POLE2: variants seen among roughly 807,000 people sequenced by gnomAD.
POLE2 encodes DNA polymerase epsilon subunit 2.
In POLE2, 56 loss-of-function variants were observed where a neutral mutation model predicts 79.4. The observed-to-expected ratio is 0.71, with a 90% CI of 0.57 to 0.88. POLE2 has a LOEUF of 0.88. POLE2 is among the 40% of genes least tolerant of loss of function. The probability of loss-of-function intolerance (pLI) is 0.00; values close to 1 mark genes in which losing one functional copy is unlikely to be tolerated. For missense variants in POLE2, 598 were observed against 638.9 expected (o/e 0.94, Z 0.69); for synonymous variants, 212 against 214.0 (o/e 0.99, Z 0.08).
intron 11 of POLE2, among the ~76,000 whole-genome samples, chr14:49,655,458 A>AACACACACACACACACACAC (rs35575577): frequency 5.6e-5 from 8 of 143,492 alleles, no homozygotes; most frequent in African/African-American, 1.8e-4. Flanking sequence ...CATGACTATA[A>AACACACACACACACACACAC]ACACACACAC....
chr14:49,662,822 C>T (rs1278810190), intron 10 of POLE2, among the ~76,000 whole-genome samples: 1 of 152,226 alleles, frequency 6.6e-6, no homozygotes, highest in Non-Finnish European at 1.5e-5. Context: ...TTTATACTAT[C>T]ATTCAGGTTC....
intron 5 of POLE2, 24 bp from the exon 6 acceptor site, chr14:49,669,622 G>C (rs959351917): frequency 1.6e-6 from 2 of 1,222,490 alleles, no homozygotes; most frequent in African/African-American, 3.0e-5. Flanking sequence ...AGATTCACAT[G>C]AATTCCTGAA....
rs55897522 is a variant in POLE2 at position 49,654,688 on chromosome 14, C to T, written c.1073+96G>A. 390 of 1,341,562 alleles carry T rather than the reference C, an allele frequency of 2.9e-4. 6 individuals carry two copies. The East Asian group carries it at 0.01, about 36-fold the overall frequency. The allele number at this position is 1,341,562 out of a possible 1,614,324, so 83.1% of individuals were successfully genotyped here. A position where few individuals can be genotyped will look rare whatever the true frequency, so the allele number is the denominator to read the frequency against. On this transcript the variant is annotated intron_variant, in intron 13 of 18. Coordinates refer to ENST00000216367, the MANE Select transcript of POLE2 (RefSeq NM_002692.4). ...AATTTTCTCAACTTTATCTTTCTTC[C>T]TTAGTTTTGTAATAATTGCTGATAT...
chr14:49,672,758 C>T (rs1470172748), intron 5 of POLE2, among the ~76,000 whole-genome samples: 1 of 152,178 alleles, frequency 6.6e-6, no homozygotes, highest in African/African-American at 2.4e-5. Flanking sequence ...CTCGGCCTCC[C>T]AAAGTGCTGG....
chr14:49,674,161 C>T lies in POLE2; in HGVS notation c.379G>A (p.Ala127Thr). The change falls in exon 5 of 19, where the codon GCA becomes ACA. Residue 127 changes from alanine (A) to threonine (T), a missense_variant. Coordinates refer to ENST00000216367, the MANE Select transcript of POLE2 (RefSeq NM_002692.4). ...PNLFGTPRDKAEMFRERYTIL... is the reference protein window; with the variant it reads ...PNLFGTPRDKTEMFRERYTIL... ...GTATATCGCTCACGAAACATCTCTGCTTTATCTCTTGGTGTTCCAAATAAA... is the reference window on the plus strand; with the variant it reads ...GTATATCGCTCACGAAACATCTCTGTTTTATCTCTTGGTGTTCCAAATAAA... 2.5e-6 allele frequency: 4 copies of T among 1,613,694 alleles called. No individual in the cohort carries two copies. Among genetic ancestry groups the T allele is most frequent in the Non-Finnish European group, 3.4e-6 (4 of 1,179,656 alleles).
At chr14:49,674,259 A>G (rs137944949) in intron 4 of POLE2, 43 bp from the exon 5 acceptor site, 4 of 1,488,024 alleles carry the variant, frequency 2.7e-6, no homozygotes, top group African/African-American at 1.4e-5. Flanking sequence ...ATAATACACA[A>G]AGGTGAGCCA....
chr14:49,655,008 T>C lies in POLE2; in HGVS notation c.1015A>G (p.Lys339Glu). 1.3e-6 allele frequency: 2 copies of C among 1,556,914 alleles called. No individual in the cohort carries two copies. Among genetic ancestry groups the C allele is most frequent in the Non-Finnish European group, 1.7e-6 (2 of 1,146,334 alleles). Residue 339 changes from lysine (K) to glutamate (E), a missense_variant, in exon 12 of 19, where the codon AAA (lysine) becomes GAA (glutamate). Coordinates refer to ENST00000216367, the MANE Select transcript of POLE2 (RefSeq NM_002692.4). ...TTATTAAATAGATCGTTAATACCTT[T>C]CAAAGCTTGAACTTGATTTTTTCCA... ...PYGKNQVQALKDSLKTLADII... is the reference protein window; with the variant it reads ...PYGKNQVQALEDSLKTLADII...
intron 1 of POLE2, among the ~76,000 whole-genome samples, chr14:49,685,800 T>TG (rs1887091453): frequency 6.6e-6 from 1 of 151,746 alleles, no homozygotes; most frequent in Non-Finnish European, 1.5e-5. Flanking sequence ...TTTTTTTTTT[T>TG]GTATTTTTAG....
Position 49,643,818 on chromosome 14 carries a change from C to CT in POLE2, c.1566-149dup, listed in dbSNP as rs1179702039. ...ACTGTTTCAAATTCAAAAGGAGACT[C>CT]TAAAAAATAAGTCATTCTCATGCCC... On this transcript the variant is annotated intron_variant, in intron 18 of 18. Coordinates refer to ENST00000216367, the MANE Select transcript of POLE2 (RefSeq NM_002692.4). The CT allele has an allele frequency of 4.7e-5, 15 of 317,426 alleles. No homozygotes were observed. The South Asian group carries it at 9.1e-4, about 19-fold the overall frequency. 19.7% of individuals were successfully genotyped at this position (317,426 alleles called of 1,614,324 possible). A position where few individuals can be genotyped will look rare whatever the true frequency, so the allele number is the denominator to read the frequency against.
intron 3 of POLE2, chr14:49,677,825 G>A: frequency 2.0e-6 from 1 of 507,442 alleles, no homozygotes. Context: ...CCCTCACAAT[G>A]CTTGCCTCCT....
At chr14:49,663,428 A>G (rs764371305) in intron 9 of POLE2, 41 bp from the exon 10 acceptor site, 2 of 1,409,202 alleles carry the variant, frequency 1.4e-6, no homozygotes, top group Non-Finnish European at 1.0e-6. Flanking sequence ...CTAATCCTCT[A>G]TGTTTGAAAG....
intron 10 of POLE2, 67 bp downstream of exon 10, chr14:49,663,248 C>T: frequency 1.4e-6 from 1 of 699,542 alleles, no homozygotes; most frequent in Non-Finnish European, 2.3e-6. Flanking sequence ...ATATGACGTA[C>T]TATCTTACAT....
At chr14:49,651,517 T>C (rs1033774025) in intron 15 of POLE2, 140 bp from the exon 16 acceptor site, 6 of 498,512 alleles carry the variant, frequency 1.2e-5, no homozygotes, top group Admixed American at 7.2e-5. Flanking sequence ...TGTCTATTCA[T>C]CTATTCATTT....
At chr14:49,644,064 G>C (rs891055097) in intron 18 of POLE2, among the ~76,000 whole-genome samples, 1 of 150,266 alleles carries the variant, frequency 6.7e-6, no homozygotes. Flanking sequence ...ATTTTTAGTA[G>C]AGACGAGGTT....
Position 49,647,220 on chromosome 14 carries a change from A to G in POLE2, c.1565+73T>C. 7.5e-6 allele frequency: 6 copies of G among 803,394 alleles called. No individual in the cohort carries two copies. The South Asian group carries it at 9.8e-5, about 13-fold the overall frequency. The allele number at this position is 803,394 out of a possible 1,614,324, so 49.8% of individuals were successfully genotyped here. ...CATTTTCAAAAATCCCAACACACTG[A>G]TAGAACATCTCATTTTCAGTAATTT... is the stretch of plus-strand genomic sequence containing the variant. On this transcript the variant is annotated intron_variant, in intron 18 of 18. Coordinates refer to ENST00000216367, the MANE Select transcript of POLE2 (RefSeq NM_002692.4).
chr14:49,664,696 TA>T (rs1396070643), intron 8 of POLE2, 22 bp from the exon 9 acceptor site: 2 of 1,488,450 alleles, frequency 1.3e-6, no homozygotes, highest in Admixed American at 3.4e-5. Flanking sequence ...TTGAGGAAAA[TA>T]ATTCTATTCT....
chr14:49,688,023 G>A (rs1887286805), intron 1 of POLE2, 113 bp downstream of exon 1: 1 of 858,244 alleles, frequency 1.2e-6, no homozygotes, highest in African/African-American at 1.7e-5. Flanking sequence ...GAAATTTAAG[G>A]TCAAGCCCCC....
At chr14:49,685,842 C>G (rs1049392716) in intron 1 of POLE2, among the ~76,000 whole-genome samples, 1 of 151,560 alleles carries the variant, frequency 6.6e-6, no homozygotes, top group East Asian at 1.9e-4. Flanking sequence ...TTGGTCAGGC[C>G]GGTCTCGAAT....
At chr14:49,656,116 G>A (rs1438942851) in intron 10 of POLE2, among the ~76,000 whole-genome samples, 1 of 152,194 alleles carries the variant, frequency 6.6e-6, no homozygotes, top group Non-Finnish European at 1.5e-5. Flanking sequence ...AGTACTTTGG[G>A]AGGCCGAGGC....
Sources: gnomAD v4.1 joint callset for allele counts (sites outside exome capture counted in the v4.1 genomes callset) on GRCh38, gnomAD v4.1.1 for gene constraint, MANE v1.5 for transcripts, NCBI Gene and HGNC (gene_info 2026-07-23, HGNC 2026-07-21) for gene names.